The following NELL1 variants were observed in gnomAD, a reference collection of about 807,000 sequenced individuals.
The protein encoded by NELL1 is neural EGFL like 1, also known as protein kinase C-binding protein NELL1.
NELL1 carries 76 observed loss-of-function variants against 107.4 expected under a neutral mutation model. The ratio of observed to expected loss-of-function variants is 0.71; its 90% CI spans 0.59 to 0.86. The LOEUF (loss-of-function observed/expected upper bound fraction) is 0.86, where lower values mean the gene tolerates loss of function less well. Among genes scored for constraint, NELL1 ranks in the 40% least tolerant of loss-of-function variants. The pLI is 0.00. For synonymous variants in NELL1, 353 were observed against 341.2 expected (o/e 1.03, Z -0.38); for missense variants, 1,024 against 1,005.5 (o/e 1.02, Z -0.25).
intron 15 of NELL1, among the ~76,000 whole-genome samples, chr11:21,385,320 T>C (rs1851716863): frequency 6.6e-6 from 1 of 151,914 alleles, no homozygotes; most frequent in African/African-American, 2.4e-5. Flanking sequence ...AGCAGACAAT[T>C]TAACAAGAAG....
At chr11:21,129,427 T>G (rs1855564966) in intron 13 of NELL1, among the ~76,000 whole-genome samples, 1 of 152,102 alleles carries the variant, frequency 6.6e-6, no homozygotes, top group African/African-American at 2.4e-5. Flanking sequence ...CCAAAAGAAT[T>G]GAAAGTAGGG....
At chr11:21,062,591 A>G (rs747741606) in intron 12 of NELL1, among the ~76,000 whole-genome samples, 5 of 152,140 alleles carry the variant, frequency 3.3e-5, no homozygotes, top group Non-Finnish European at 5.9e-5. Flanking sequence ...TCCAACATCA[A>G]TTGGTATACT....
chr11:21,305,275 G>T (rs929222758), intron 14 of NELL1, among the ~76,000 whole-genome samples: 7 of 151,980 alleles, frequency 4.6e-5, no homozygotes, highest in African/African-American at 1.7e-4. Flanking sequence ...AGCTCAGTGA[G>T]AAAAATGTGC....
chr11:21,171,987 T>G (rs980563736), intron 13 of NELL1, among the ~76,000 whole-genome samples: 16 of 152,078 alleles, frequency 1.1e-4, no homozygotes, highest in African/African-American at 3.6e-4. Flanking sequence ...TTTCTGAACT[T>G]TCTTTGAACC....
chr11:20,896,110 C>T (rs1319748349), intron 5 of NELL1, among the ~76,000 whole-genome samples: 1 of 152,110 alleles, frequency 6.6e-6, no homozygotes, highest in African/African-American at 2.4e-5. Context: ...CAGTACCCAA[C>T]ATGTAGTCTT....
In NELL1 at chr11:20,849,416, A is replaced by C. The variant is rs75466272; in HGVS notation, c.506+1663A>C. Among the ~76,000 whole-genome samples the C allele has an allele frequency of 2.8e-3, 430 of 152,216 alleles. 2 individuals are homozygous for C. Among genetic ancestry groups the C allele is most frequent in the African/African-American group, 9.6e-3 (397 of 41,536 alleles). ...TGGTGGTTGTTGTTATTTACTCTGC[A>C]TATCAATGGCAGCTCTTTGACCCTG... On this transcript the variant is annotated intron_variant, in intron 4 of 19. Coordinates refer to ENST00000357134, the MANE Select transcript of NELL1 (RefSeq NM_006157.5).
chr11:20,710,239 C>T (rs533415344), intron 2 of NELL1, among the ~76,000 whole-genome samples: 10 of 152,068 alleles, frequency 6.6e-5, no homozygotes, highest in African/African-American at 9.7e-5. Flanking sequence ...ATGCCAGTTT[C>T]GCTGAGGTTT....
intron 12 of NELL1, among the ~76,000 whole-genome samples, chr11:21,041,650 C>A (rs1349007610): frequency 6.6e-6 from 1 of 152,136 alleles, no homozygotes; most frequent in Non-Finnish European, 1.5e-5. Context: ...TATACTAGAC[C>A]ATTATTCACA....
intron 3 of NELL1, among the ~76,000 whole-genome samples, chr11:20,838,748 A>T (rs1005755582): frequency 6.6e-6 from 1 of 152,180 alleles, no homozygotes; most frequent in African/African-American, 2.4e-5. Flanking sequence ...AGCATTTTAG[A>T]TAAAATTTAG....
chr11:21,309,281 T>TATATATATATATATATATA (rs1849685009), intron 14 of NELL1, among the ~76,000 whole-genome samples: 6 of 6,628 alleles, frequency 9.1e-4, no homozygotes, highest in Non-Finnish European at 1.8e-3. Flanking sequence ...TATATATATG[T>TATATATATATATATATATA]ATATATATAT....
chr11:20,993,912 T>C (rs958769077), intron 12 of NELL1, among the ~76,000 whole-genome samples: 1 of 140,434 alleles, frequency 7.1e-6, no homozygotes, highest in African/African-American at 2.6e-5. Flanking sequence ...AAAAAAAAAA[T>C]CAGTACGAAT....
At chr11:20,936,094 GGAA>G (rs986150601) in intron 9 of NELL1, among the ~76,000 whole-genome samples, 1 of 152,136 alleles carries the variant, frequency 6.6e-6, no homozygotes, top group Admixed American at 6.5e-5. Flanking sequence ...AGGTGGTGAA[GGAA>G]GAAGAATTGG....
At chr11:21,571,574 T>A (rs1387195446) in intron 18 of NELL1, among the ~76,000 whole-genome samples, 5 of 151,896 alleles carry the variant, frequency 3.3e-5, no homozygotes, top group Non-Finnish European at 7.4e-5. Context: ...TGGTAGTAAC[T>A]ATTGTTAATA....
chr11:20,730,716 G>A (rs1046385157), intron 2 of NELL1, among the ~76,000 whole-genome samples: 4 of 152,168 alleles, frequency 2.6e-5, no homozygotes, highest in African/African-American at 9.7e-5. Flanking sequence ...AGCCAGCAAG[G>A]TTTGGGATCA....
At chr11:21,452,525 T>C (rs536642286) in intron 15 of NELL1, among the ~76,000 whole-genome samples, 1 of 152,224 alleles carries the variant, frequency 6.6e-6, no homozygotes, top group South Asian at 2.1e-4. Context: ...GTCTGAAATA[T>C]GTAGTTGTAA....
chr11:20,950,639 A>G (rs1380918725), intron 11 of NELL1, among the ~76,000 whole-genome samples: 2 of 152,208 alleles, frequency 1.3e-5, no homozygotes, highest in Non-Finnish European at 2.9e-5. Flanking sequence ...TGAAACAGAA[A>G]GTAATGAAAA....
At chr11:21,065,136 C>T (rs1330768888) in intron 12 of NELL1, among the ~76,000 whole-genome samples, 1 of 151,890 alleles carries the variant, frequency 6.6e-6, no homozygotes, top group African/African-American at 2.4e-5. Context: ...TTTTTATAGG[C>T]TCCTAAAAAC....
At chr11:21,232,720 C>A (rs912897466) in intron 14 of NELL1, among the ~76,000 whole-genome samples, 1 of 152,126 alleles carries the variant, frequency 6.6e-6, no homozygotes, top group African/African-American at 2.4e-5. Flanking sequence ...GTGGCTTGAT[C>A]TCAGCTCATT....
chr11:21,085,523 C>T (rs986168375), intron 12 of NELL1, among the ~76,000 whole-genome samples: 1 of 152,080 alleles, frequency 6.6e-6, no homozygotes, highest in African/African-American at 2.4e-5. Flanking sequence ...GTAGACTCAG[C>T]TACTCAGAAG....
Sources: allele counts gnomAD v4.1 joint callset (sites outside exome capture counted in the v4.1 genomes callset), GRCh38; gene constraint gnomAD v4.1.1; transcripts MANE v1.5; gene names NCBI Gene and HGNC (gene_info 2026-07-23, HGNC 2026-07-21).